Variants in CADPS2 observed in about 807,000 individuals in gnomAD.
The protein encoded by CADPS2 is calcium-dependent secretion activator 2.
CADPS2 carries 93 observed loss-of-function variants against 172.5 expected under a neutral mutation model. That is an observed-to-expected ratio of 0.54 (90% CI 0.46 to 0.64). CADPS2 has a LOEUF of 0.64. CADPS2 is among the 30% of genes least tolerant of loss of function. The pLI, the probability that CADPS2 is intolerant of heterozygous loss-of-function variation, is 0.00. For synonymous variants in CADPS2, 546 were observed against 555.2 expected, an observed-to-expected ratio of 0.98 and a Z score of 0.23; for missense variants, 1,420 against 1,565.9, an observed-to-expected ratio of 0.91 and a Z score of 1.57.
intron 6 of CADPS2, among the ~76,000 whole-genome samples, chr7:122,597,509 C>T (rs2072017513): frequency 6.6e-6 from 1 of 152,012 alleles, no homozygotes; most frequent in Admixed American, 6.6e-5. Flanking sequence ...TGTGTATGCC[C>T]TGTGTCAGTA....
At chr7:122,700,657 A>C (rs1261167757) in intron 2 of CADPS2, among the ~76,000 whole-genome samples, 1 of 152,180 alleles carries the variant, frequency 6.6e-6, no homozygotes, top group East Asian at 1.9e-4. Context: ...CAAAGAATAT[A>C]ACATCGAAAG....
rs2048780416 is a variant in CADPS2, at chr7:122,423,499, T to G, written c.2477-7335A>C. 2.0e-5 allele frequency among the ~76,000 whole-genome samples: 3 copies of G among 152,110 alleles called. No homozygotes were observed. In the South Asian group the frequency reaches 6.2e-4, roughly 32 times the overall value. On this transcript the variant is annotated intron_variant, in intron 17 of 29. Coordinates refer to ENST00000449022, the MANE Select transcript of CADPS2 (RefSeq NM_017954.11). ...CCAAAAGCCAACTTACTTTTTCAGT[T>G]CTTTAGGGTCAAGTGGCCTATAATT... is the stretch of plus-strand genomic sequence containing the variant.
At position 122,869,740 on chromosome 7, in the gene CADPS2, CA is replaced by C. The variant is rs531584210; in HGVS notation, c.339+16258del. On this transcript the variant is annotated intron_variant, in intron 1 of 29. Transcript: ENST00000449022. The stretch of plus-strand genomic sequence containing the variant: ...TATCTCTAGTATGAAGATTAAAAGC[CA>C]AACTATTAAAAGCTAGAGCTTTAAT... 3.9e-5 allele frequency among the ~76,000 whole-genome samples: 6 copies of C among 152,088 alleles called. No individual in the cohort carries two copies. In the East Asian group the frequency reaches 1.2e-3, roughly 29 times the overall value.
intron 17 of CADPS2, among the ~76,000 whole-genome samples, chr7:122,421,482 A>T (rs1344171107): frequency 3.3e-5 from 5 of 152,194 alleles, no homozygotes; most frequent in African/African-American, 1.2e-4. Flanking sequence ...AGGGAGCATG[A>T]AAAAATAATT....
At chr7:122,827,634 A>AG (rs1805317047) in intron 1 of CADPS2, among the ~76,000 whole-genome samples, 1 of 149,966 alleles carries the variant, frequency 6.7e-6, no homozygotes, top group Non-Finnish European at 1.5e-5. Context: ...TTCCATCTCA[A>AG]AAAAAAAAAA....
In CADPS2 at chr7:122,318,543, G is replaced by C. The variant is rs1430517907; in HGVS notation, c.*1622C>G. 1 of 152,278 alleles carries C rather than the reference G, an allele frequency of 6.6e-6. No individual in the cohort carries two copies. The highest frequency in any genetic ancestry group is 1.5e-5 in the Non-Finnish European group (1 of 68,094). 9.4% of individuals were successfully genotyped at this position (152,278 alleles called of 1,614,324 possible). On this transcript the variant is annotated 3_prime_UTR_variant, in exon 30 of 30. Coordinates refer to ENST00000449022, the MANE Select transcript of CADPS2 (RefSeq NM_017954.11). ...TGGTGCCATTGGAGAGTTTGGGATA[G>C]CATGACTGGACATTTGAGGGTTTGG... is the stretch of plus-strand genomic sequence containing the variant.
At chr7:122,522,535 A>G (rs1358171922) in intron 8 of CADPS2, among the ~76,000 whole-genome samples, 1 of 152,128 alleles carries the variant, frequency 6.6e-6, no homozygotes, top group Non-Finnish European at 1.5e-5. Context: ...GATCTCCATC[A>G]CCTCAAACAT....
At chr7:122,640,985 G>A (rs1177628235) in intron 3 of CADPS2, among the ~76,000 whole-genome samples, 1 of 151,450 alleles carries the variant, frequency 6.6e-6, no homozygotes, top group Non-Finnish European at 1.5e-5. Flanking sequence ...GCCGGATTTA[G>A]GCTATGAGAT....
In CADPS2 at chr7:122,638,220, C is replaced by G. The variant is rs142487114; in HGVS notation, c.787-8892G>C. Among the ~76,000 whole-genome samples, 358 of 152,196 alleles carry G rather than the reference C, an allele frequency of 2.4e-3. 1 individual carries two copies. Among genetic ancestry groups the G allele is most frequent in the Middle Eastern group, 0.014 (4 of 294 alleles). ...CTGTGGCTGGTAGACAAGACTATAC[C>G]CTTTCTGGAAAGCCCTTCAGAGGGA... is the stretch of plus-strand genomic sequence containing the variant. On this transcript the variant is annotated intron_variant, in intron 3 of 29. Transcript: ENST00000449022.
intron 9 of CADPS2, among the ~76,000 whole-genome samples, chr7:122,492,784 C>T (rs965683798): frequency 2.0e-5 from 3 of 152,052 alleles, no homozygotes; most frequent in Non-Finnish European, 4.4e-5. Flanking sequence ...ATTGCAGCCT[C>T]CACCTTTGGT....
At position 122,512,609 on chromosome 7, in the gene CADPS2, A is replaced by G. The variant is rs151119926; in HGVS notation, c.1542+640T>C. Among the ~76,000 whole-genome samples the G allele has an allele frequency of 4.8e-3, 736 of 152,274 alleles. 8 individuals carry two copies. Among genetic ancestry groups the G allele is most frequent in the African/African-American group, 0.015 (604 of 41,562 alleles). ...ACACCAGTCAAGTTGACTTAAAAAC[A>G]TATTTATGTGAACAGGTGATTTCTT... is the stretch of plus-strand genomic sequence containing the variant. On this transcript the variant is annotated intron_variant, in intron 9 of 29. Coordinates refer to ENST00000449022, the MANE Select transcript of CADPS2 (RefSeq NM_017954.11).
intron 6 of CADPS2, among the ~76,000 whole-genome samples, chr7:122,611,718 A>G (rs1392170988): frequency 6.6e-6 from 1 of 152,046 alleles, no homozygotes; most frequent in Admixed American, 6.6e-5. Context: ...CTTATTCTAC[A>G]AGGCCACTAT....
intron 3 of CADPS2, among the ~76,000 whole-genome samples, chr7:122,658,750 G>C (rs940368847): frequency 1.3e-5 from 2 of 152,130 alleles, no homozygotes; most frequent in African/African-American, 4.8e-5. Flanking sequence ...GGACGAGTGG[G>C]GAGGGGATAG....
chr7:122,629,278 G>A lies in CADPS2; in HGVS notation c.837C>T (p.Gly279=), dbSNP rs1422485516. 3 of 1,609,566 alleles carry A rather than the reference G, an allele frequency of 1.9e-6. No homozygotes were observed. In the East Asian group the frequency reaches 6.7e-5, roughly 36 times the overall value. The change falls in exon 4 of 30, where the codon GGC becomes GGT. Residue 279 remains glycine (G), a synonymous_variant. Transcript: ENST00000449022. ...QAAQIRRELD[G]RLQLADKMAK... is the part of the protein sequence containing the mutation. ...CCATTTTATCTGCCAATTGCAGCCG[G>A]CCATCAAGTTCCCTTCTGATCTGGG...
intron 2 of CADPS2, among the ~76,000 whole-genome samples, chr7:122,713,414 C>A (rs964038488): frequency 6.6e-6 from 1 of 152,002 alleles, no homozygotes; most frequent in Non-Finnish European, 1.5e-5. Flanking sequence ...TTTTGGGACT[C>A]CCATGAGGAT....
intron 1 of CADPS2, among the ~76,000 whole-genome samples, chr7:122,790,105 A>T (rs1271004094): frequency 6.7e-6 from 1 of 149,906 alleles, no homozygotes; most frequent in African/African-American, 2.5e-5. Context: ...GTGAATTAAA[A>T]ATAGAAAAAG....
intron 5 of CADPS2, among the ~76,000 whole-genome samples, chr7:122,618,930 T>C (rs1197362267): frequency 2.0e-5 from 3 of 152,160 alleles, no homozygotes; most frequent in Non-Finnish European, 2.9e-5. Context: ...TATGCTATGG[T>C]AGGAAAATAT....
chr7:122,582,720 A>G (rs1361200270), intron 6 of CADPS2, among the ~76,000 whole-genome samples: 1 of 152,024 alleles, frequency 6.6e-6, no homozygotes, highest in Non-Finnish European at 1.5e-5. Context: ...CTCATGACAT[A>G]CCCTTTTAAA....
intron 17 of CADPS2, among the ~76,000 whole-genome samples, chr7:122,433,314 C>T (rs2050205838): frequency 6.6e-6 from 1 of 151,994 alleles, no homozygotes; most frequent in Non-Finnish European, 1.5e-5. Flanking sequence ...AAACCCCTAT[C>T]TTCTGTTACT....
Sources: gnomAD v4.1 joint callset for allele counts (sites outside exome capture counted in the v4.1 genomes callset) on GRCh38, gnomAD v4.1.1 for gene constraint, MANE v1.5 for transcripts, NCBI Gene and HGNC (gene_info 2026-07-23, HGNC 2026-07-21) for gene names.